PTDSS1: variants seen among roughly 807,000 people sequenced by gnomAD.
PTDSS1 encodes the protein phosphatidylserine synthase 1.
A neutral mutation model predicts 70.5 loss-of-function variants in PTDSS1; 45 were observed. That is an observed-to-expected ratio of 0.64 (90% CI 0.50 to 0.82). PTDSS1 has a LOEUF of 0.82. PTDSS1 is among the 40% of genes least tolerant of loss of function. PTDSS1 has a pLI of 0.00. For missense variants in PTDSS1, 417 were observed against 586.1 expected (o/e 0.71, Z 2.98); for synonymous variants, 188 against 203.8 (o/e 0.92, Z 0.66).
chr8:96,330,534 GAGAAAAAA>G, intron 11 of PTDSS1: 1 of 489,474 alleles, frequency 2.0e-6, no homozygotes, highest in East Asian at 3.6e-5. Context: ...TGTTTGTTTG[GAGAAAAAA>G]AGAAAAGTGA....
chr8:96,262,189 T>C lies in PTDSS1; in HGVS notation c.149T>C (p.Ile50Thr), dbSNP rs1441176979. 1.2e-6 allele frequency: 2 copies of C among 1,610,758 alleles called. No homozygotes were observed. Among genetic ancestry groups the C allele is most frequent in the Non-Finnish European group, 1.7e-6 (2 of 1,177,918 alleles). Residue 50 changes from isoleucine (I) to threonine (T), a missense_variant, in exon 1 of 13, where the codon ATC becomes ACC. By Grantham distance (89) the Ile-to-Thr change is moderately conservative. Transcript: ENST00000517309. The surrounding 1 kb of genome is among the most constrained non-coding windows in gnomAD (Gnocchi z 4.4). Reference sequence around the variant, plus strand: ...ACCATCACCCTGCTCAGCTTCACCATCGTCAGCCTCATGTACTTCGCCTTT... The same window carrying C: ...ACCATCACCCTGCTCAGCTTCACCACCGTCAGCCTCATGTACTTCGCCTTT... ...PHTITLLSFT[I>T]VSLMYFAFTR...
chr8:96,310,806 G>T (rs375770469), intron 9 of PTDSS1, among the ~76,000 whole-genome samples: 1 of 150,658 alleles, frequency 6.6e-6, no homozygotes, highest in Non-Finnish European at 1.5e-5. Context: ...GTGTTCTGTC[G>T]CCAGGCTGGA....
Position 96,333,991 on chromosome 8 carries a change from T to C in PTDSS1, c.*425T>C. On this transcript the variant is annotated 3_prime_UTR_variant, in exon 13 of 13. Transcript: ENST00000517309. ...TTTATTTTATTTTTATGAATCTACCTTTCCATTGATTGATTTAAGTTCAGG... is the reference window on the plus strand; with the variant it reads ...TTTATTTTATTTTTATGAATCTACCCTTCCATTGATTGATTTAAGTTCAGG... 1 of 451,058 alleles carries C rather than the reference T, an allele frequency of 2.2e-6. No individual in the cohort carries two copies. The highest frequency in any genetic ancestry group is 3.9e-6 in the Non-Finnish European group (1 of 255,224). 27.9% of individuals were successfully genotyped at this position (451,058 alleles called of 1,614,324 possible). A position where few individuals can be genotyped will look rare whatever the true frequency, so the allele number is the denominator to read the frequency against.
chr8:96,298,273 A>G (rs1446418073), intron 5 of PTDSS1, among the ~76,000 whole-genome samples: 1 of 152,084 alleles, frequency 6.6e-6, no homozygotes, highest in Non-Finnish European at 1.5e-5. Context: ...AATTCCTCAT[A>G]TTTATAATTT....
At position 96,334,951 on chromosome 8, in the gene PTDSS1, A is replaced by C. The variant is rs1811574329; in HGVS notation, c.*1385A>C. On this transcript the variant is annotated 3_prime_UTR_variant, in exon 13 of 13. Transcript: ENST00000517309. ...TCTTTAAGGAAATCTTTAGCCATAG[A>C]AGTGTCACTTTTTTTTTTTCTGCAA... 6.6e-6 allele frequency: 1 copy of C among 152,214 alleles called. No individual in the cohort carries two copies. Among genetic ancestry groups the C allele is most frequent in the African/African-American group, 2.4e-5 (1 of 41,454 alleles). The allele number at this position is 152,214 out of a possible 1,614,324, so 9.4% of individuals were successfully genotyped here.
At chr8:96,300,785 G>T (rs1336917685) in intron 6 of PTDSS1, among the ~76,000 whole-genome samples, 1 of 152,020 alleles carries the variant, frequency 6.6e-6, no homozygotes, top group East Asian at 1.9e-4. Context: ...CCATTTTATG[G>T]TCCTTTAGTT....
intron 8 of PTDSS1, among the ~76,000 whole-genome samples, chr8:96,307,489 C>T (rs943451214): frequency 1.5e-5 from 2 of 137,468 alleles, no homozygotes; most frequent in African/African-American, 2.7e-5. Flanking sequence ...ACCTCCAGAT[C>T]CTGGATTCAA....
intron 4 of PTDSS1, among the ~76,000 whole-genome samples, chr8:96,292,248 C>T (rs1810917156): frequency 2.2e-5 from 3 of 134,886 alleles, no homozygotes; most frequent in South Asian, 2.3e-4. Flanking sequence ...TGCAGTGAGC[C>T]GAGATGGTGC....
chr8:96,310,255 T>C (rs1424638181), intron 9 of PTDSS1, among the ~76,000 whole-genome samples: 4 of 150,358 alleles, frequency 2.7e-5, no homozygotes, highest in African/African-American at 9.8e-5. Flanking sequence ...ACCTCTGCCT[T>C]CTGGGCTCAA....
chr8:96,313,006 T>C (rs1811234302), intron 9 of PTDSS1, among the ~76,000 whole-genome samples: 2 of 152,162 alleles, frequency 1.3e-5, no homozygotes, highest in African/African-American at 4.8e-5. Flanking sequence ...GGTGGAGAAA[T>C]GAGAGGGAGC....
Position 96,333,776 on chromosome 8 carries a change from G to C in PTDSS1, c.*210G>C. 1.4e-6 allele frequency: 1 copy of C among 704,170 alleles called. No individual in the cohort carries two copies. Among genetic ancestry groups the C allele is most frequent in the Non-Finnish European group, 2.6e-6 (1 of 386,928 alleles). 43.6% of individuals were successfully genotyped at this position (704,170 alleles called of 1,614,324 possible). On this transcript the variant is annotated 3_prime_UTR_variant, in exon 13 of 13. Coordinates refer to ENST00000517309, the MANE Select transcript of PTDSS1 (RefSeq NM_014754.3). The stretch of plus-strand genomic sequence containing the variant: ...CATCGCCTGGGGGGCCTTTGCCAAC[G>C]TGGGGTCTCTTCTAACTTCAGCACT...
At chr8:96,314,818 G>A (rs550911973) in intron 9 of PTDSS1, among the ~76,000 whole-genome samples, 2 of 152,024 alleles carry the variant, frequency 1.3e-5, no homozygotes, top group African/African-American at 2.4e-5. Context: ...GGATGGTCTC[G>A]ATCTCCTGAC....
chr8:96,301,203 C>T lies in PTDSS1; in HGVS notation c.752+1358C>T, dbSNP rs188145331. On this transcript the variant is annotated intron_variant, in intron 6 of 12. Coordinates refer to ENST00000517309, the MANE Select transcript of PTDSS1 (RefSeq NM_014754.3). ...GCAGTGCAGTGGTACAATCTCGGCT[C>T]GCTGCAGCCTCCGCCTCTCAAGTAG... Among the ~76,000 whole-genome samples, 228 of 152,218 alleles carry T rather than the reference C, an allele frequency of 1.5e-3. 1 individual carries two copies. The highest frequency in any genetic ancestry group is 0.011 in the Admixed American group (166 of 15,290).
chr8:96,334,000 AT>A lies in PTDSS1; in HGVS notation c.*436del, dbSNP rs1811559690. The A allele has an allele frequency of 2.2e-6, 1 of 447,026 alleles. No individual in the cohort carries two copies. The highest frequency in any genetic ancestry group is 4.0e-6 in the Non-Finnish European group (1 of 253,054). The allele number at this position is 447,026 out of a possible 1,614,324, so 27.7% of individuals were successfully genotyped here. A position where few individuals can be genotyped will look rare whatever the true frequency, so the allele number is the denominator to read the frequency against. ...TTTTTATGAATCTACCTTTCCATTG[AT>A]TGATTTAAGTTCAGGCCACTTTTCT... is the stretch of plus-strand genomic sequence containing the variant. On this transcript the variant is annotated 3_prime_UTR_variant, in exon 13 of 13. Transcript: ENST00000517309.
At chr8:96,321,290 A>G (rs1472863108) in intron 10 of PTDSS1, among the ~76,000 whole-genome samples, 1 of 152,184 alleles carries the variant, frequency 6.6e-6, no homozygotes, top group Non-Finnish European at 1.5e-5. Context: ...GGTTTAATGC[A>G]ACCACCCTAC....
At chr8:96,303,742 GTGT>G (rs893829418) in intron 6 of PTDSS1, among the ~76,000 whole-genome samples, 1 of 152,202 alleles carries the variant, frequency 6.6e-6, no homozygotes, top group African/African-American at 2.4e-5. Context: ...GGGTAAAGAA[GTGT>G]TGTGGGTGAT....
At chr8:96,282,831 A>T (rs946673499) in intron 2 of PTDSS1, among the ~76,000 whole-genome samples, 3 of 152,224 alleles carry the variant, frequency 2.0e-5, no homozygotes, top group Admixed American at 6.5e-5. Context: ...GAGCCTGTTA[A>T]AGACTAGGAG....
chr8:96,264,101 AT>A (rs1256165471), intron 1 of PTDSS1, among the ~76,000 whole-genome samples: 3 of 152,198 alleles, frequency 2.0e-5, no homozygotes, highest in African/African-American at 7.2e-5. Context: ...GACCAGACAT[AT>A]TTCTAGCTTT....
At chr8:96,330,522 T>C (rs1586213075) in intron 11 of PTDSS1, 2 of 512,808 alleles carry the variant, frequency 3.9e-6, no homozygotes, top group East Asian at 3.3e-5. Context: ...TAAAAAAAGT[T>C]ATGTTTGTTT....
Sources: allele counts gnomAD v4.1 joint callset (sites outside exome capture counted in the v4.1 genomes callset), GRCh38; gene constraint gnomAD v4.1.1; non-coding constraint Gnocchi (gnomAD v3.1); transcripts MANE v1.5; gene names NCBI Gene and HGNC (gene_info 2026-07-23, HGNC 2026-07-21).